Variants in DIP2C observed in about 807,000 individuals in gnomAD.
The protein encoded by DIP2C is DIP2 acetate--CoA ligase C (putative).
A neutral mutation model predicts 192.4 loss-of-function variants in DIP2C; 33 were observed. The observed-to-expected ratio is 0.17, with a 90% CI of 0.13 to 0.23. The LOEUF (loss-of-function observed/expected upper bound fraction) is 0.23, where lower values mean the gene tolerates loss of function less well. Among genes scored for constraint, DIP2C ranks in the 10% least tolerant of loss-of-function variants. The pLI is 1.00. For missense variants in DIP2C, 1,537 were observed against 2,110.1 expected, an observed-to-expected ratio of 0.73 and a Z score of 5.32; for synonymous variants, 979 against 864.1, an observed-to-expected ratio of 1.13 and a Z score of -2.33.
At chr10:333,850 G>A (rs1254714051) in intron 29 of DIP2C, among the ~76,000 whole-genome samples, 1 of 152,160 alleles carries the variant, frequency 6.6e-6, no homozygotes, top group Non-Finnish European at 1.5e-5. Flanking sequence ...GCATTCTAGT[G>A]GGTGTGAAGT....
At chr10:641,629 C>T (rs1631975) in intron 1 of DIP2C, 150,801 of 154,272 alleles carry the variant, frequency 0.98, 73,796 homozygotes, top group East Asian at 1. Context: ...CACTGCCAGG[C>T]TACCCATGAG....
chr10:600,239 G>A (rs1352377241), intron 1 of DIP2C, among the ~76,000 whole-genome samples: 1 of 152,136 alleles, frequency 6.6e-6, no homozygotes, highest in Non-Finnish European at 1.5e-5. Context: ...AACCCTCAGT[G>A]ACCAGGTTCC....
intron 17 of DIP2C, among the ~76,000 whole-genome samples, chr10:378,053 G>C (rs1002786980): frequency 1.3e-5 from 2 of 152,156 alleles, no homozygotes; most frequent in Admixed American, 6.5e-5. Flanking sequence ...GATACTTGTA[G>C]CCAGGAAACA....
At chr10:538,320 C>T (rs1847804342) in intron 1 of DIP2C, among the ~76,000 whole-genome samples, 1 of 151,768 alleles carries the variant, frequency 6.6e-6, no homozygotes, top group South Asian at 2.1e-4. Flanking sequence ...CCACACTCGG[C>T]TAGTTCTTTT....
chr10:524,153 G>C (rs2130829664), intron 1 of DIP2C, among the ~76,000 whole-genome samples: 1 of 152,324 alleles, frequency 6.6e-6, no homozygotes, highest in East Asian at 1.9e-4. Flanking sequence ...AAGGCCCCTA[G>C]TGGGGCAGCT....
chr10:281,059 T>C, intron 36 of DIP2C, 141 bp downstream of exon 36: 1 of 1,224,720 alleles, frequency 8.2e-7, no homozygotes, highest in Non-Finnish European at 1.1e-6. Context: ...CCCCAAAAGA[T>C]AAAGATTTAT....
intron 1 of DIP2C, among the ~76,000 whole-genome samples, chr10:610,641 C>A (rs185290185): frequency 1.1e-4 from 17 of 152,356 alleles, no homozygotes; most frequent in Non-Finnish European, 1.5e-4. Context: ...GAACGGGGAG[C>A]CAGACATGGT....
At chr10:377,586 G>T (rs1241962276) in intron 17 of DIP2C, among the ~76,000 whole-genome samples, 1 of 152,168 alleles carries the variant, frequency 6.6e-6, no homozygotes, top group African/African-American at 2.4e-5. Flanking sequence ...TTACATGCGG[G>T]ATTATGGAAC....
At chr10:514,791 T>C (rs1208718136) in intron 1 of DIP2C, among the ~76,000 whole-genome samples, 2 of 152,152 alleles carry the variant, frequency 1.3e-5, no homozygotes, top group East Asian at 3.9e-4. Flanking sequence ...CCCCCTTCCA[T>C]GGGGGGCTTT....
At chr10:673,988 C>T (rs920457585) in intron 1 of DIP2C, among the ~76,000 whole-genome samples, 2 of 152,236 alleles carry the variant, frequency 1.3e-5, no homozygotes, top group Non-Finnish European at 2.9e-5. Flanking sequence ...GAGTCCCTCA[C>T]TTGTATGGAA....
chr10:543,010 TTGAG>T (rs1193215851), intron 1 of DIP2C, among the ~76,000 whole-genome samples: 1 of 152,166 alleles, frequency 6.6e-6, no homozygotes, highest in Non-Finnish European at 1.5e-5. Context: ...AAGTCAAACA[TTGAG>T]TGATGACGAT....
At chr10:385,496 T>G (rs1245104665) in intron 14 of DIP2C, among the ~76,000 whole-genome samples, 1 of 152,226 alleles carries the variant, frequency 6.6e-6, no homozygotes. Flanking sequence ...CCCGGTGTGT[T>G]ATGCTAACTT....
At chr10:621,491 G>C (rs1012030110) in intron 1 of DIP2C, among the ~76,000 whole-genome samples, 13 of 151,968 alleles carry the variant, frequency 8.6e-5, no homozygotes, top group African/African-American at 3.1e-4. Flanking sequence ...GCCAATATGA[G>C]CACACACCCC....
intron 29 of DIP2C, chr10:340,955 G>T: frequency 1.6e-6 from 1 of 609,436 alleles, no homozygotes; most frequent in African/African-American, 1.8e-5. Flanking sequence ...AGAAATAAAG[G>T]TCCGCAACAG....
chr10:596,382 G>C (rs529435214), intron 1 of DIP2C, among the ~76,000 whole-genome samples: 2 of 150,280 alleles, frequency 1.3e-5, no homozygotes, highest in South Asian at 2.1e-4. Context: ...TGTAATCCCA[G>C]CTACTTGGGA....
chr10:408,410 G>A (rs1291519095), intron 9 of DIP2C, among the ~76,000 whole-genome samples: 9 of 152,158 alleles, frequency 5.9e-5, no homozygotes, highest in African/African-American at 1.4e-4. Flanking sequence ...GAGGCCAAAC[G>A]TGTTCAATAA....
intron 8 of DIP2C, among the ~76,000 whole-genome samples, chr10:410,729 C>T (rs1965128851): frequency 6.6e-6 from 1 of 152,196 alleles, no homozygotes; most frequent in South Asian, 2.1e-4. Context: ...TCATTCTCAG[C>T]TAAGAGTCTT....
chr10:344,149 G>A (rs929188199), intron 28 of DIP2C, among the ~76,000 whole-genome samples: 10 of 152,178 alleles, frequency 6.6e-5, no homozygotes, highest in African/African-American at 2.2e-4. Flanking sequence ...TATGACAGTG[G>A]GAGGGTCACA....
rs544773649 is a variant in DIP2C at position 655,320 on chromosome 10, G to A, written c.85+34174C>T. ...TCCATGTGTCTGTTTCTTCCTGGTTGTGAGACAAGAACCCGGACCCAGCTG... is the reference window on the plus strand; with the variant it reads ...TCCATGTGTCTGTTTCTTCCTGGTTATGAGACAAGAACCCGGACCCAGCTG... On this transcript the variant is annotated intron_variant, in intron 1 of 36. Transcript: ENST00000280886. 2.6e-5 allele frequency among the ~76,000 whole-genome samples: 4 copies of A among 152,302 alleles called. No homozygotes were observed. The South Asian group carries it at 8.3e-4, about 32-fold the overall frequency.
Sources: allele counts gnomAD v4.1 joint callset (sites outside exome capture counted in the v4.1 genomes callset), GRCh38; gene constraint gnomAD v4.1.1; transcripts MANE v1.5; gene names NCBI Gene and HGNC (gene_info 2026-07-23, HGNC 2026-07-21).